The following PCDHA9 variants were observed in gnomAD, a reference collection of about 807,000 sequenced individuals.
PCDHA9 encodes the protein protocadherin alpha 9.
A neutral mutation model predicts 62.0 loss-of-function variants in PCDHA9; 62 were observed. That is an observed-to-expected ratio of 1.00 (90% CI 0.81 to 1.23). PCDHA9 has a LOEUF of 1.23. Among genes scored for constraint, PCDHA9 ranks in the 50% most tolerant of loss-of-function variants. The probability of loss-of-function intolerance (pLI) is 0.00; values close to 1 mark genes in which losing one functional copy is unlikely to be tolerated. For missense variants in PCDHA9, 1,205 were observed against 1,249.8 expected, an observed-to-expected ratio of 0.96 and a Z score of 0.54; for synonymous variants, 557 against 567.6, an observed-to-expected ratio of 0.98 and a Z score of 0.27.
At chr5:141,001,978 A>G (rs1331599524) in intron 3 of PCDHA9, among the ~76,000 whole-genome samples, 1 of 152,166 alleles carries the variant, frequency 6.6e-6, no homozygotes, top group Non-Finnish European at 1.5e-5. Context: ...TCTGCGCGGA[A>G]AGCCTGGAAG....
intron 1 of PCDHA9, among the ~76,000 whole-genome samples, chr5:140,965,664 ATAAATG>A (rs1251201552): frequency 1.3e-5 from 2 of 152,254 alleles, no homozygotes; most frequent in Non-Finnish European, 2.9e-5. Flanking sequence ...GTCTTGGGTG[ATAAATG>A]TAAAAGATTT....
At chr5:140,882,567 C>T (rs1554174625) in intron 1 of PCDHA9, 12 of 1,614,092 alleles carry the variant, frequency 7.4e-6, no homozygotes, top group East Asian at 2.2e-5. Context: ...GGGCGGAGCG[C>T]GGAGTGCAGC....
At position 140,978,952 on chromosome 5, in the gene PCDHA9, C is replaced by T. The variant is rs374951627; in HGVS notation, c.2398C>T (p.Arg800Ter). Residue 800 changes from arginine (R) to a stop codon, truncating the protein, a stop_gained, in exon 2 of 4, where the codon CGA (arginine) becomes TGA (stop). Coordinates refer to ENST00000532602, the MANE Select transcript of PCDHA9 (RefSeq NM_031857.2). LOFTEE classifies it high-confidence loss of function. ...SASSDSTGKP[R>*]QPNPDWRYSA... ...AACTCTCTTTGTGATTTTGCAGCCA[C>T]GACAGCCCAACCCTGACTGGCGTTA... is the stretch of plus-strand genomic sequence containing the variant. 5.0e-6 allele frequency: 8 copies of T among 1,614,018 alleles called. No individual in the cohort carries two copies. The highest frequency in any genetic ancestry group is 2.2e-5 in the South Asian group (2 of 91,070).
intron 1 of PCDHA9, among the ~76,000 whole-genome samples, chr5:140,976,972 C>T (rs969505831): frequency 2.6e-5 from 4 of 152,182 alleles, no homozygotes; most frequent in Non-Finnish European, 5.9e-5. Flanking sequence ...TTCCTTTTCC[C>T]TGCCTGATCT....
intron 1 of PCDHA9, among the ~76,000 whole-genome samples, chr5:140,893,033 A>G (rs1246631946): frequency 1.3e-5 from 2 of 152,230 alleles, no homozygotes; most frequent in African/African-American, 2.4e-5. Flanking sequence ...TTCACTTAAC[A>G]TATGCCCTCC....
chr5:140,849,562 C>G lies in PCDHA9; in HGVS notation c.1067C>G (p.Ser356Trp), dbSNP rs1188964395. 6.3e-7 allele frequency: 1 copy of G among 1,598,438 alleles called. No individual in the cohort carries two copies. Among genetic ancestry groups the G allele is most frequent in the Non-Finnish European group, 8.6e-7 (1 of 1,167,942 alleles). The change falls in exon 1 of 4, where the codon TCG (serine) becomes TGG (tryptophan). Residue 356 changes from serine to tryptophan, a missense_variant. Around this residue, in one of 3 missense-constraint regions of PCDHA9, gnomAD observed 887 missense variants for 809.5 expected, o/e 1.10. Coordinates refer to ENST00000532602, the MANE Select transcript of PCDHA9 (RefSeq NM_031857.2). ...CCACAGTTGACTATCAAAACGCTCT[C>G]GGTTCCTGTAAAAGAGGACGCACAA... ...NAPQLTIKTL[S>W]VPVKEDAQLG...
intron 1 of PCDHA9, among the ~76,000 whole-genome samples, chr5:140,894,449 A>G (rs1227566097): frequency 6.6e-6 from 1 of 151,950 alleles, no homozygotes; most frequent in Non-Finnish European, 1.5e-5. Flanking sequence ...TCTTTTTTAA[A>G]AAATATTTTA....
chr5:140,948,528 T>C (rs1234543318), intron 1 of PCDHA9, among the ~76,000 whole-genome samples: 1 of 151,686 alleles, frequency 6.6e-6, no homozygotes, highest in Non-Finnish European at 1.5e-5. Context: ...ACTATTTATA[T>C]TTTATTTCAT....
chr5:140,873,878 C>T (rs926010571), intron 1 of PCDHA9, among the ~76,000 whole-genome samples: 2 of 152,196 alleles, frequency 1.3e-5, no homozygotes, highest in African/African-American at 4.8e-5. Context: ...CCAGGCTGGT[C>T]TTGAACTCCT....
intron 1 of PCDHA9, among the ~76,000 whole-genome samples, chr5:140,854,875 T>A (rs2150323966): frequency 6.7e-6 from 1 of 150,054 alleles, no homozygotes; most frequent in African/African-American, 2.4e-5. Context: ...CAGAACTGTG[T>A]CTTTTGGGCA....
intron 1 of PCDHA9, chr5:140,882,602 A>T: frequency 6.2e-7 from 1 of 1,614,276 alleles, no homozygotes; most frequent in Non-Finnish European, 8.5e-7. Flanking sequence ...GATCGTGGAC[A>T]GGCCTCTGCA....
chr5:140,967,817 G>A, intron 1 of PCDHA9: 1 of 1,614,182 alleles, frequency 6.2e-7, no homozygotes. Context: ...TCACTGCAAG[G>A]TGCTGGTGGA....
intron 1 of PCDHA9, chr5:140,860,355 TG>T (rs1218123475): frequency 1.3e-5 from 2 of 152,074 alleles, no homozygotes; most frequent in African/African-American, 2.4e-5. Context: ...CACTCCAGCC[TG>T]GATGACAAAG....
At chr5:140,984,576 C>G (rs1309554018) in intron 3 of PCDHA9, among the ~76,000 whole-genome samples, 1 of 152,104 alleles carries the variant, frequency 6.6e-6, no homozygotes, top group African/African-American at 2.4e-5. Context: ...CCATGGCAAC[C>G]TAATCATACT....
At chr5:140,869,546 C>T (rs201504685) in intron 1 of PCDHA9, 3 of 1,614,170 alleles carry the variant, frequency 1.9e-6, no homozygotes, top group Middle Eastern at 1.6e-4. Flanking sequence ...TCTAAGCAAT[C>T]GGACTCGCGT....
At chr5:140,941,214 C>CCTTTCTTCCTTTCTTTCTTTCTTTCTTT (rs2092875794) in intron 1 of PCDHA9, among the ~76,000 whole-genome samples, 1 of 122,414 alleles carries the variant, frequency 8.2e-6, no homozygotes, top group Non-Finnish European at 1.7e-5. Flanking sequence ...TTTCTTTCTT[C>CCTTTCTTCCTTTCTTTCTTTCTTTCTTT]CTTTCTTTCT....
At chr5:140,962,207 A>G (rs1364251526) in intron 1 of PCDHA9, among the ~76,000 whole-genome samples, 13 of 152,236 alleles carry the variant, frequency 8.5e-5, no homozygotes, top group Admixed American at 3.3e-4. Flanking sequence ...CTATCTCCTT[A>G]TTGATCTTGA....
At chr5:140,969,519 G>T in intron 1 of PCDHA9, 2 of 1,406,074 alleles carry the variant, frequency 1.4e-6, no homozygotes, top group Admixed American at 2.8e-5. Context: ...CTAAAGAATT[G>T]TTTTATTTTT....
intron 1 of PCDHA9, among the ~76,000 whole-genome samples, chr5:140,854,845 T>C (rs1554147464): frequency 6.7e-6 from 1 of 149,904 alleles, no homozygotes; most frequent in Non-Finnish European, 1.5e-5. Flanking sequence ...CTGACATTGA[T>C]AAAATTACTA....
Sources: allele counts gnomAD v4.1 joint callset (sites outside exome capture counted in the v4.1 genomes callset), GRCh38; gene constraint gnomAD v4.1.1; regional missense constraint gnomAD v4.1.1; transcripts MANE v1.5; gene names NCBI Gene and HGNC (gene_info 2026-07-23, HGNC 2026-07-21).